Variants in NASP observed in about 807,000 individuals in gnomAD.
The protein encoded by NASP is nuclear autoantigenic sperm protein.
In NASP, 24 loss-of-function variants were observed where a neutral mutation model predicts 89.5. The ratio of observed to expected loss-of-function variants is 0.27; its 90% CI spans 0.19 to 0.38. The LOEUF is 0.38. NASP is among the 10% of genes least tolerant of loss of function. NASP has a pLI of 1.00. For synonymous variants in NASP, 306 were observed against 324.7 expected (o/e 0.94, Z 0.62); for missense variants, 848 against 921.4 (o/e 0.92, Z 1.03).
chr1:45,615,165 T>A lies in NASP; in HGVS notation c.1819T>A (p.Phe607Ile), dbSNP rs1039382064. ...TCAGTATGATGAGGCAGTGGCACAG[T>A]TCAGCAAATCTATTGAAGTCATTGA... ...NSQYDEAVAQ[F>I]SKSIEVIENR... Residue 607 changes from phenylalanine to isoleucine, a missense_variant, in exon 10 of 15, where the codon TTC becomes ATC. Physicochemically the swap from Phe to Ile is conservative, Grantham distance 21. This residue lies in a region of NASP where 60 missense variants were observed against 114.6 expected (regional missense o/e 0.52). Coordinates refer to ENST00000350030, the MANE Select transcript of NASP (RefSeq NM_002482.4). The A allele has an allele frequency of 6.2e-7, 1 of 1,614,054 alleles. No individual in the cohort carries two copies. Among genetic ancestry groups the A allele is most frequent in the Non-Finnish European group, 8.5e-7 (1 of 1,180,040 alleles).
At position 45,588,180 on chromosome 1, in the gene NASP, C is replaced by T. The variant is rs190426966; in HGVS notation, c.60-3043C>T. Among the ~76,000 whole-genome samples, 39 of 152,182 alleles carry T rather than the reference C, an allele frequency of 2.6e-4. No individual in the cohort carries two copies. In the East Asian group the frequency reaches 5.2e-3, roughly 20 times the overall value. On this transcript the variant is annotated intron_variant, in intron 1 of 14. Coordinates refer to ENST00000350030, the MANE Select transcript of NASP (RefSeq NM_002482.4). The stretch of plus-strand genomic sequence containing the variant: ...GTGCACTGGTGCGATCTAGGCTCAC[C>T]GCAGTCTCCACCTCCAGGGTTCAAG...
At chr1:45,595,822 C>T (rs997234797) in intron 2 of NASP, among the ~76,000 whole-genome samples, 1 of 152,136 alleles carries the variant, frequency 6.6e-6, no homozygotes, top group African/African-American at 2.4e-5. Context: ...TTTAAGGTAA[C>T]CTGGCAAAAT....
At chr1:45,588,378 A>T (rs774081167) in intron 1 of NASP, among the ~76,000 whole-genome samples, 11 of 152,114 alleles carry the variant, frequency 7.2e-5, no homozygotes, top group African/African-American at 2.4e-4. Flanking sequence ...TTCTGGGATT[A>T]TAGGCGTTAG....
In NASP at chr1:45,615,110, C is replaced by T. The variant is rs1236380132; in HGVS notation, c.1764C>T (p.Tyr588=). ...ACCGTCTCCTTGCAGAGACCCACTA[C>T]CAGCTGGGCTTGGCTTATGGGTACA... ...AHDRLLAETH[Y]QLGLAYGYNS... is the part of the protein sequence containing the mutation. Residue 588 remains tyrosine (Y), a synonymous_variant, in exon 10 of 15, where the codon TAC becomes TAT. Coordinates refer to ENST00000350030, the MANE Select transcript of NASP (RefSeq NM_002482.4). 1 of 1,614,160 alleles carries T rather than the reference C, an allele frequency of 6.2e-7. No individual in the cohort carries two copies. Among genetic ancestry groups the T allele is most frequent in the Non-Finnish European group, 8.5e-7 (1 of 1,180,034 alleles).
chr1:45,617,937 A>G, intron 14 of NASP, 124 bp from the exon 15 acceptor site: 1 of 795,034 alleles, frequency 1.3e-6, no homozygotes. Context: ...CTGCCCTCTT[A>G]ATATAGGGAG....
chr1:45,588,607 G>A, intron 1 of NASP: 1 of 453,024 alleles, frequency 2.2e-6, no homozygotes, highest in Non-Finnish European at 4.4e-6. Flanking sequence ...CTATTCGATG[G>A]GTAAAACATA....
At chr1:45,610,340 A>G (rs984786140) in intron 6 of NASP, 1 of 152,210 alleles carries the variant, frequency 6.6e-6, no homozygotes, top group Non-Finnish European at 1.5e-5. Context: ...TCCATATTTT[A>G]CAAAAGAAGA....
chr1:45,616,328 T>TCCAC lies in NASP; in HGVS notation c.2023-9_2023-8insCCAC, dbSNP rs760227471. On this transcript the variant is annotated splice_polypyrimidine_tract_variant and intron_variant, in intron 11 of 14. Transcript: ENST00000350030. Reference sequence around the variant, plus strand: ...CTTCAAACTAATTTGGATTTGTCATTTCTCGCAGGTGGAGAGTTCTACTTC... The same window carrying TCCAC: ...CTTCAAACTAATTTGGATTTGTCATTCCACTCTCGCAGGTGGAGAGTTCTACTTC... The TCCAC allele has an allele frequency of 3.3e-5, 54 of 1,613,874 alleles. No individual in the cohort carries two copies. The highest frequency in any genetic ancestry group is 1.5e-5 in the Non-Finnish European group (18 of 1,179,848).
chr1:45,586,296 T>TGTGTG (rs1644546992), intron 1 of NASP, among the ~76,000 whole-genome samples: 1 of 93,610 alleles, frequency 1.1e-5, no homozygotes, highest in African/African-American at 4.5e-5. Context: ...TGTGTGTGTG[T>TGTGTG]GTGTGTGTGT....
rs1298595868 is a variant in NASP, at chr1:45,607,994, A to C, written c.1083A>C (p.Ser361=). Residue 361 remains serine, a synonymous_variant, in exon 6 of 15, where the codon TCA becomes TCC. Coordinates refer to ENST00000350030, the MANE Select transcript of NASP (RefSeq NM_002482.4). The stretch of plus-strand genomic sequence containing the variant: ...AGGCCTCAGCTGTAGAGGCTGGATC[A>C]GAAGTCTCTGAAAAGCCTGGGCAGG... ...AAEASAVEAG[S]EVSEKPGQEA... 6.2e-7 allele frequency: 1 copy of C among 1,613,992 alleles called. No homozygotes were observed. Among genetic ancestry groups the C allele is most frequent in the African/African-American group, 1.3e-5 (1 of 74,950 alleles).
intron 9 of NASP, among the ~76,000 whole-genome samples, chr1:45,614,783 C>G (rs998308567): frequency 6.6e-6 from 1 of 151,922 alleles, no homozygotes; most frequent in Non-Finnish European, 1.5e-5. Context: ...GTGATCTGCC[C>G]GCCTCAGCCT....
chr1:45,607,929 C>G lies in NASP; in HGVS notation c.1018C>G (p.Pro340Ala), dbSNP rs745841045. 4 of 1,614,130 alleles carry G rather than the reference C, an allele frequency of 2.5e-6. No individual in the cohort carries two copies. The highest frequency in any genetic ancestry group is 3.4e-6 in the Non-Finnish European group (4 of 1,180,020). Residue 340 changes from proline (P) to alanine (A), a missense_variant, in exon 6 of 15, where the codon CCT becomes GCT. By Grantham distance (27) the Pro-to-Ala change is conservative (BLOSUM62 -1). Coordinates refer to ENST00000350030, the MANE Select transcript of NASP (RefSeq NM_002482.4). The part of the protein sequence containing the change: ...LEQLVGQEVP[P>A]AEESPEVTTE... ...ACAACTGGTAGGTCAAGAAGTACCA[C>G]CTGCTGAAGAGTCACCAGAGGTGAC...
intron 9 of NASP, 69 bp downstream of exon 9, chr1:45,614,435 C>A: frequency 8.1e-7 from 1 of 1,236,812 alleles, no homozygotes; most frequent in Non-Finnish European, 1.2e-6. Context: ...AATAGATTCT[C>A]TGGAACCGAA....
chr1:45,587,661 C>CATATATATATATATATAT (rs1553169239), intron 1 of NASP, among the ~76,000 whole-genome samples: 7 of 6,390 alleles, frequency 1.1e-3, no homozygotes, highest in African/African-American at 3.6e-3. Context: ...TGAGTTTTTT[C>CATATATATATATATATAT]ATATATATAT....
chr1:45,590,891 C>T (rs1015160129), intron 1 of NASP, among the ~76,000 whole-genome samples: 4 of 152,010 alleles, frequency 2.6e-5, no homozygotes, highest in Non-Finnish European at 4.4e-5. Flanking sequence ...CTGGCTGTGA[C>T]GGAGTTTGTA....
chr1:45,602,178 T>C (rs921717990), intron 2 of NASP, 77 bp from the exon 3 acceptor site: 2 of 1,513,058 alleles, frequency 1.3e-6, no homozygotes, highest in East Asian at 2.3e-5. Flanking sequence ...AATGAAACTA[T>C]TGCTCAAATG....
At chr1:45,588,588 T>A (rs1438870723) in intron 1 of NASP, 1 of 448,720 alleles carries the variant, frequency 2.2e-6, no homozygotes, top group African/African-American at 2.0e-5. Flanking sequence ...TCCTTAACCC[T>A]ATCTTTGACT....
intron 1 of NASP, 139 bp downstream of exon 1, chr1:45,584,344 T>A (rs1280981291): frequency 3.0e-5 from 22 of 743,498 alleles, no homozygotes; most frequent in Non-Finnish European, 4.6e-5. Context: ...CGGGAAGGCC[T>A]GGTCACTGGA....
At chr1:45,615,606 G>A in intron 11 of NASP, 135 bp downstream of exon 11, 1 of 835,860 alleles carries the variant, frequency 1.2e-6, no homozygotes, top group Non-Finnish European at 1.9e-6. Context: ...ATCAAGTAAT[G>A]CAGTGGTTAA....
Sources: allele counts gnomAD v4.1 joint callset (sites outside exome capture counted in the v4.1 genomes callset), GRCh38; gene constraint gnomAD v4.1.1; regional missense constraint gnomAD v4.1.1; transcripts MANE v1.5; gene names NCBI Gene and HGNC (gene_info 2026-07-23, HGNC 2026-07-21).